The following WTIP variants were observed in gnomAD, a reference collection of about 807,000 sequenced individuals.
WTIP encodes the protein Wilms tumor protein 1-interacting protein.
WTIP carries 23 observed loss-of-function variants against 41.7 expected under a neutral mutation model. That is an observed-to-expected ratio of 0.55 (90% CI 0.40 to 0.78). The LOEUF is 0.78. WTIP is among the 30% of genes least tolerant of loss of function. The pLI is 0.00. For missense variants in WTIP, 619 were observed against 610.5 expected (o/e 1.01, Z -0.15); for synonymous variants, 314 against 269.9 (o/e 1.16, Z -1.60).
In WTIP at chr19:34,493,442, G is replaced by C. The variant is rs376589086; in HGVS notation, c.901-50G>C. The C allele has an allele frequency of 6.2e-7, 1 of 1,606,510 alleles. No individual in the cohort carries two copies. Among genetic ancestry groups the C allele is most frequent in the East Asian group, 2.2e-5 (1 of 44,540 alleles). ...TCAGGGCCAGAGCCTCTCCCAGGGC[G>C]GTGCTGAGCCTCCTGCCCGCGCTGA... is the stretch of plus-strand genomic sequence containing the variant. On this transcript the variant is annotated intron_variant, in intron 4 of 7. Coordinates refer to ENST00000590071, the MANE Select transcript of WTIP (RefSeq NM_001080436.2). The surrounding 1 kb of genome is among the most constrained non-coding windows in gnomAD (Gnocchi z 4.1).
At chr19:34,489,197 T>TAAA (rs57433723) in intron 1 of WTIP, among the ~76,000 whole-genome samples, 51,146 of 61,910 alleles carry the variant, frequency 0.83, 22,243 homozygotes, top group Middle Eastern at 0.91. Flanking sequence ...AGACTCTATC[T>TAAA]AAAAAAAAAA....
chr19:34,501,391 T>A lies in WTIP; in HGVS notation c.*1122T>A, dbSNP rs1268463103. 6.6e-6 allele frequency: 1 copy of A among 152,160 alleles called. No homozygotes were observed. The highest frequency in any genetic ancestry group is 1.5e-5 in the Non-Finnish European group (1 of 68,028). 9.4% of individuals were successfully genotyped at this position (152,160 alleles called of 1,614,324 possible). A position where few individuals can be genotyped will look rare whatever the true frequency, so the allele number is the denominator to read the frequency against. On this transcript the variant is annotated 3_prime_UTR_variant, in exon 8 of 8. Transcript: ENST00000590071. ...CCGGGTGTTAAGGGCGGTCGCCCCA[T>A]GAAATGCAGTGTGGAGGTCCCTCCG...
chr19:34,496,483 G>A (rs1388694208), intron 7 of WTIP, among the ~76,000 whole-genome samples: 1 of 152,098 alleles, frequency 6.6e-6, no homozygotes, highest in Non-Finnish European at 1.5e-5. Context: ...CTATTTTATG[G>A]CGTCTACCCC....
In WTIP at chr19:34,508,957, G is replaced by A. The variant is rs2075923700; in HGVS notation, c.*8688G>A. The A allele has an allele frequency of 6.6e-6, 1 of 152,228 alleles. No homozygotes were observed. Among genetic ancestry groups the A allele is most frequent in the African/African-American group, 2.4e-5 (1 of 41,460 alleles). The allele number at this position is 152,228 out of a possible 1,614,324, so 9.4% of individuals were successfully genotyped here. ...ACATACGTTCATTGTGGTACATTTA[G>A]GAAATTTAAATGATTTATTTCTTAT... On this transcript the variant is annotated 3_prime_UTR_variant, in exon 8 of 8. Transcript: ENST00000590071.
chr19:34,493,024 C>G lies in WTIP; in HGVS notation c.770-13C>G. On this transcript the variant is annotated splice_polypyrimidine_tract_variant and intron_variant, in intron 2 of 7. Transcript: ENST00000590071. The surrounding 1 kb of genome is among the most constrained non-coding windows in gnomAD (Gnocchi z 4.1). Reference sequence around the variant, plus strand: ...AGCGTTCCAGGGACCCCTCTCAACCCTCACCCTTGCAGGGAGACGACTCCG... The same window carrying G: ...AGCGTTCCAGGGACCCCTCTCAACCGTCACCCTTGCAGGGAGACGACTCCG... 1.2e-6 allele frequency: 2 copies of G among 1,613,896 alleles called. No individual in the cohort carries two copies. Among genetic ancestry groups the G allele is most frequent in the South Asian group, 1.1e-5 (1 of 91,070 alleles).
chr19:34,486,239 G>T (rs2075796491), intron 1 of WTIP, among the ~76,000 whole-genome samples: 1 of 152,004 alleles, frequency 6.6e-6, no homozygotes, highest in Admixed American at 6.6e-5. Flanking sequence ...CCCATGCTTT[G>T]ACCCCCTCTG....
Position 34,482,360 on chromosome 19 carries a change from G to T in WTIP, c.386G>T (p.Arg129Leu), listed in dbSNP as rs1266456126. ...CCGCGCTCCGGTCGCTCGGACCCGC[G>T]TCCCGGTCCCGGGCCGCCTTCGGTG... ...GSPRSGRSDP[R>L]PGPGPPSVGS... The change falls in exon 1 of 8, where the codon CGT becomes CTT. Residue 129 changes from arginine to leucine, a missense_variant. Coordinates refer to ENST00000590071, the MANE Select transcript of WTIP (RefSeq NM_001080436.2). 1 of 1,381,278 alleles carries T rather than the reference G, an allele frequency of 7.2e-7. No individual in the cohort carries two copies. The highest frequency in any genetic ancestry group is 9.4e-7 in the Non-Finnish European group (1 of 1,063,094). The allele number at this position is 1,381,278 out of a possible 1,614,324, so 85.6% of individuals were successfully genotyped here.
chr19:34,510,770 A>C lies in WTIP; in HGVS notation c.*10501A>C, dbSNP rs556003062. On this transcript the variant is annotated 3_prime_UTR_variant, in exon 8 of 8. Coordinates refer to ENST00000590071, the MANE Select transcript of WTIP (RefSeq NM_001080436.2). The stretch of plus-strand genomic sequence containing the variant: ...TTTCTTCTGCCAGATACCCTAAATT[A>C]TCTCTCTCAAGTTCAAAGTTCCACA... The C allele has an allele frequency of 2.0e-5, 3 of 152,154 alleles. No homozygotes were observed. The highest frequency in any genetic ancestry group is 1.9e-4 in the East Asian group (1 of 5,192). The allele number at this position is 152,154 out of a possible 1,614,324, so 9.4% of individuals were successfully genotyped here. A position where few individuals can be genotyped will look rare whatever the true frequency, so the allele number is the denominator to read the frequency against.
In WTIP at chr19:34,502,254, CTT is replaced by C. The variant is rs35441081; in HGVS notation, c.*2003_*2004del. 34,049 of 109,384 alleles carry C rather than the reference CTT, an allele frequency of 0.31. 4,341 individuals carry two copies. The highest frequency in any genetic ancestry group is 0.45 in the East Asian group (1,658 of 3,644). 6.8% of individuals were successfully genotyped at this position (109,384 alleles called of 1,614,324 possible). A position where few individuals can be genotyped will look rare whatever the true frequency, so the allele number is the denominator to read the frequency against. On this transcript the variant is annotated 3_prime_UTR_variant, in exon 8 of 8. Transcript: ENST00000590071. Reference sequence around the variant, plus strand: ...TACAGGTGTGTACCACTGTGCCCGGCTTTTTTTTTTTTTTTTTTTGAGACAGG... The same window carrying C: ...TACAGGTGTGTACCACTGTGCCCGGCTTTTTTTTTTTTTTTTTGAGACAGG...
Position 34,500,230 on chromosome 19 carries a change from G to T in WTIP, c.1254G>T (p.Gly418=), listed in dbSNP as rs2075877563. ...GCCACCTGCGGCGCCTCCAACCTGG[G>T]CCTCTTCCCTCACCCACTGTGCACG... ...RRCHLRRLQP[G]PLPSPTVHVT... Residue 418 remains glycine, a synonymous_variant, in exon 8 of 8, where the codon GGG becomes GGT. Coordinates refer to ENST00000590071, the MANE Select transcript of WTIP (RefSeq NM_001080436.2). The T allele has an allele frequency of 6.2e-7, 1 of 1,608,026 alleles. No individual in the cohort carries two copies.
chr19:34,495,609 G>A lies in WTIP; in HGVS notation c.1084-94G>A, dbSNP rs866876045. ...CCCGGGGCGGGCGTGCACCTCCGCCGGGACAGGAGCGTGGTGTGTGGGAGT... is the reference window on the plus strand; with the variant it reads ...CCCGGGGCGGGCGTGCACCTCCGCCAGGACAGGAGCGTGGTGTGTGGGAGT... On this transcript the variant is annotated intron_variant, in intron 6 of 7. Transcript: ENST00000590071. The A allele has an allele frequency of 5.2e-5, 76 of 1,454,066 alleles. No individual in the cohort carries two copies. The Middle Eastern group carries it at 1.7e-3, about 33-fold the overall frequency. The allele number at this position is 1,454,066 out of a possible 1,614,324, so 90.1% of individuals were successfully genotyped here. A position where few individuals can be genotyped will look rare whatever the true frequency, so the allele number is the denominator to read the frequency against.
In WTIP at chr19:34,500,656, C is replaced by A. The variant is rs1236275478; in HGVS notation, c.*387C>A. On this transcript the variant is annotated 3_prime_UTR_variant, in exon 8 of 8. Transcript: ENST00000590071. ...AGGGGCCTGGCCCCCGCCCTCCCCC[C>A]CGACCCCGACCTCGCAAAGCGCACT... 6 of 183,132 alleles carry A rather than the reference C, an allele frequency of 3.3e-5. No homozygotes were observed. The highest frequency in any genetic ancestry group is 2.3e-3 in the Middle Eastern group (1 of 444). The allele number at this position is 183,132 out of a possible 1,614,324, so 11.3% of individuals were successfully genotyped here. A position where few individuals can be genotyped will look rare whatever the true frequency, so the allele number is the denominator to read the frequency against.
chr19:34,494,517 G>A, intron 5 of WTIP, 69 bp from the exon 6 acceptor site: 2 of 1,501,994 alleles, frequency 1.3e-6, no homozygotes, highest in South Asian at 2.3e-5. Context: ...TCCTGTGGGT[G>A]CCCCTGTGCT....
chr19:34,482,762 G>C, intron 1 of WTIP, 121 bp downstream of exon 1: 1 of 1,200,592 alleles, frequency 8.3e-7, no homozygotes, highest in South Asian at 4.3e-5. Context: ...GGGTGCAGCA[G>C]TGCACGGGGT....
intron 1 of WTIP, among the ~76,000 whole-genome samples, chr19:34,484,766 T>A (rs2075789050): frequency 6.6e-6 from 1 of 151,892 alleles, no homozygotes; most frequent in Non-Finnish European, 1.5e-5. Context: ...GCACATTTTT[T>A]TTCTGAGGAG....
intron 1 of WTIP, 51 bp downstream of exon 1, chr19:34,482,692 G>A: frequency 8.2e-7 from 1 of 1,218,750 alleles, no homozygotes; most frequent in Non-Finnish European, 1.0e-6. Context: ...GGGGTCCGGG[G>A]TTCCGAGACT....
chr19:34,482,546 G>C lies in WTIP; in HGVS notation c.572G>C (p.Arg191Pro), dbSNP rs1230026447. 1.6e-6 allele frequency: 2 copies of C among 1,229,106 alleles called. No homozygotes were observed. Among genetic ancestry groups the C allele is most frequent in the South Asian group, 4.0e-5 (1 of 24,938 alleles). The allele number at this position is 1,229,106 out of a possible 1,614,324, so 76.1% of individuals were successfully genotyped here. A position where few individuals can be genotyped will look rare whatever the true frequency, so the allele number is the denominator to read the frequency against. ...PLPALPLPPGREGGPSAAERR... is the reference protein window; with the variant it reads ...PLPALPLPPGPEGGPSAAERR... ...CCTGCACTCCCGCTGCCCCCTGGCC[G>C]GGAGGGCGGCCCAAGCGCGGCCGAG... The change falls in exon 1 of 8, where the codon CGG (arginine) becomes CCG (proline). Residue 191 changes from arginine to proline, a missense_variant. Around this residue, in one of 3 missense-constraint regions of WTIP, gnomAD observed 363 missense variants for 309.0 expected, o/e 1.17. Transcript: ENST00000590071.
At chr19:34,495,439 T>A (rs1398804478) in intron 6 of WTIP, among the ~76,000 whole-genome samples, 1 of 151,930 alleles carries the variant, frequency 6.6e-6, no homozygotes, top group East Asian at 1.9e-4. Flanking sequence ...AATGTCCACA[T>A]CCATTGACAA....
rs1037148261 is a variant in WTIP at position 34,482,231 on chromosome 19, C to T, written c.257C>T (p.Ala86Val). ...AAVPELSAQP[A>V]GSPRASLAGS... ...GTTCCGGAGCTCAGCGCGCAGCCTG[C>T]GGGCAGCCCACGGGCCAGCCTGGCG... Residue 86 changes from alanine to valine, a missense_variant, in exon 1 of 8, where the codon GCG becomes GTG. Ala to Val is a moderately conservative substitution (Grantham distance 64). Coordinates refer to ENST00000590071, the MANE Select transcript of WTIP (RefSeq NM_001080436.2). 12 of 1,174,456 alleles carry T rather than the reference C, an allele frequency of 1.0e-5. No individual in the cohort carries two copies. Among genetic ancestry groups the T allele is most frequent in the African/African-American group, 4.9e-5 (3 of 61,048 alleles). 72.8% of individuals were successfully genotyped at this position (1,174,456 alleles called of 1,614,324 possible).
Sources: gnomAD v4.1 joint callset for allele counts (sites outside exome capture counted in the v4.1 genomes callset) on GRCh38, gnomAD v4.1.1 for gene constraint, gnomAD v4.1.1 regional missense constraint, Gnocchi (gnomAD v3.1) non-coding constraint, MANE v1.5 for transcripts, NCBI Gene and HGNC (gene_info 2026-07-23, HGNC 2026-07-21) for gene names.